The following SLCO1B3 variants were observed in gnomAD, a reference collection of about 807,000 sequenced individuals.
SLCO1B3 encodes solute carrier organic anion transporter family member 1B3, also known as liver-specific organic anion transporter 2.
SLCO1B3 carries 72 observed loss-of-function variants against 71.8 expected under a neutral mutation model. The observed-to-expected ratio is 1.00, with a 90% CI of 0.83 to 1.22. SLCO1B3 has a LOEUF of 1.22. Among genes scored for constraint, SLCO1B3 ranks in the 50% most tolerant of loss-of-function variants. The pLI is 0.00. For missense variants in SLCO1B3, 911 were observed against 819.7 expected (o/e 1.11, Z -1.36); for synonymous variants, 298 against 278.4 (o/e 1.07, Z -0.70).
chr12:20,841,845 A>G (rs1032052395), intron 3 of SLCO1B3, among the ~76,000 whole-genome samples: 1 of 148,950 alleles, frequency 6.7e-6, no homozygotes, highest in Non-Finnish European at 1.5e-5. Context: ...TCCCTCATGT[A>G]CTTGAGAAAA....
rs1220826561 is a variant in SLCO1B3, at chr12:20,826,156, A to C, written c.84+10334A>C. ...GTGATAAATGAAAATTCTTGGTTTC[A>C]TAGAACAATTAAAGCCAAGAGCACA... is the stretch of plus-strand genomic sequence containing the variant. On this transcript the variant is annotated intron_variant, in intron 3 of 15. Transcript: ENST00000381545. Among the ~76,000 whole-genome samples the C allele has an allele frequency of 2.0e-5, 3 of 152,040 alleles. 1 individual carries two copies. The East Asian group carries it at 5.8e-4, about 29-fold the overall frequency.
chr12:20,823,141 C>T (rs192382267), intron 3 of SLCO1B3, among the ~76,000 whole-genome samples: 61 of 152,192 alleles, frequency 4.0e-4, no homozygotes, highest in African/African-American at 1.4e-3. Context: ...CTGATATAGG[C>T]CATATCACTC....
chr12:20,838,372 A>T (rs1387178918), intron 3 of SLCO1B3, among the ~76,000 whole-genome samples: 2 of 152,048 alleles, frequency 1.3e-5, no homozygotes, highest in Admixed American at 6.6e-5. Context: ...CATGCACACA[A>T]CATGTAGTTG....
intron 3 of SLCO1B3, among the ~76,000 whole-genome samples, chr12:20,834,831 T>G (rs1198428567): frequency 6.6e-6 from 1 of 152,100 alleles, no homozygotes; most frequent in African/African-American, 2.4e-5. Flanking sequence ...ATCTGGAGGA[T>G]CGTAGCCCTC....
intron 15 of SLCO1B3, among the ~76,000 whole-genome samples, chr12:20,912,295 TTTTATTTTTATTTA>T (rs1866395329): frequency 6.9e-6 from 1 of 145,784 alleles, no homozygotes; most frequent in African/African-American, 2.5e-5. Flanking sequence ...TCTATTTTAT[TTTTATTTTTATTTA>T]TTTATTTATT....
intron 11 of SLCO1B3, among the ~76,000 whole-genome samples, 160 bp from the exon 12 acceptor site, chr12:20,880,695 A>G (rs781245653): frequency 6.6e-5 from 10 of 152,098 alleles, no homozygotes; most frequent in Non-Finnish European, 1.2e-4. Context: ...AAATTTCTCT[A>G]TCTAATTAAA....
intron 3 of SLCO1B3, among the ~76,000 whole-genome samples, chr12:20,841,879 A>T (rs555266708): frequency 1.8e-5 from 2 of 113,756 alleles, no homozygotes; most frequent in South Asian, 4.4e-4. Context: ...GAATTGTTGG[A>T]TGTAGTTTTT....
At chr12:20,872,750 A>T (rs1865497700) in intron 8 of SLCO1B3, among the ~76,000 whole-genome samples, 1 of 152,098 alleles carries the variant, frequency 6.6e-6, no homozygotes, top group East Asian at 1.9e-4. Flanking sequence ...AGGGCCTCAA[A>T]ACTCTGCCTG....
At position 20,828,064 on chromosome 12, in the gene SLCO1B3, A is replaced by C. The variant is rs555649552; in HGVS notation, c.84+12242A>C. On this transcript the variant is annotated intron_variant, in intron 3 of 15. Coordinates refer to ENST00000381545, the MANE Select transcript of SLCO1B3 (RefSeq NM_019844.4). ...CTACCTTATGATTGTATAGAAGACCAATTTTATTTAGATAGGTAGTTTTAA... is the reference window on the plus strand; with the variant it reads ...CTACCTTATGATTGTATAGAAGACCCATTTTATTTAGATAGGTAGTTTTAA... 9.9e-5 allele frequency among the ~76,000 whole-genome samples: 15 copies of C among 152,268 alleles called. No individual in the cohort carries two copies. In the East Asian group the frequency reaches 2.5e-3, roughly 26 times the overall value.
chr12:20,850,593 T>G (rs1281786054), intron 3 of SLCO1B3, among the ~76,000 whole-genome samples: 1 of 152,196 alleles, frequency 6.6e-6, no homozygotes, highest in Admixed American at 6.5e-5. Context: ...ATGTACAGAT[T>G]ATTTTATCAG....
At chr12:20,906,344 A>C (rs1866246013) in intron 15 of SLCO1B3, among the ~76,000 whole-genome samples, 1 of 152,214 alleles carries the variant, frequency 6.6e-6, no homozygotes, top group Non-Finnish European at 1.5e-5. Context: ...CTCAGTGTGG[A>C]GAAGGCTGGA....
At position 20,882,565 on chromosome 12, in the gene SLCO1B3, G is replaced by A. The variant is rs138551068; in HGVS notation, c.1498-853G>A. 5.4e-3 allele frequency among the ~76,000 whole-genome samples: 803 copies of A among 149,250 alleles called. 7 individuals are homozygous for A. The highest frequency in any genetic ancestry group is 0.015 in the African/African-American group (622 of 41,330). ...ATTACAGGTTCTCACCACCACACCC[G>A]GCTAATTTTTTTTTATCTTTAGTAG... On this transcript the variant is annotated intron_variant, in intron 12 of 15. Coordinates refer to ENST00000381545, the MANE Select transcript of SLCO1B3 (RefSeq NM_019844.4).
At chr12:20,871,286 A>T (rs900005029) in intron 8 of SLCO1B3, among the ~76,000 whole-genome samples, 3 of 152,162 alleles carry the variant, frequency 2.0e-5, no homozygotes, top group Non-Finnish European at 4.4e-5. Flanking sequence ...TTGTTAAATT[A>T]TCTGATAGTT....
chr12:20,897,221 T>C (rs1478264086), intron 13 of SLCO1B3, among the ~76,000 whole-genome samples: 1 of 152,234 alleles, frequency 6.6e-6, no homozygotes, highest in Non-Finnish European at 1.5e-5. Flanking sequence ...ACACTTTCTG[T>C]TTATTGTCTC....
At chr12:20,850,645 C>T (rs969889850) in intron 3 of SLCO1B3, among the ~76,000 whole-genome samples, 1 of 152,138 alleles carries the variant, frequency 6.6e-6, no homozygotes, top group South Asian at 2.1e-4. Context: ...TTTTTCTATT[C>T]GCTGTATTCT....
intron 5 of SLCO1B3, among the ~76,000 whole-genome samples, 167 bp from the exon 6 acceptor site, chr12:20,860,850 C>G (rs1448917124): frequency 6.6e-6 from 1 of 152,116 alleles, no homozygotes; most frequent in Non-Finnish European, 1.5e-5. Flanking sequence ...ATTTCACCCC[C>G]TCTCATCACC....
chr12:20,866,671 T>C (rs536369239), intron 8 of SLCO1B3, among the ~76,000 whole-genome samples: 33 of 152,072 alleles, frequency 2.2e-4, no homozygotes, highest in Non-Finnish European at 3.8e-4. Context: ...AAGAAAGTCA[T>C]TGAGGAGAAA....
chr12:20,832,892 C>T (rs749093211), intron 3 of SLCO1B3, among the ~76,000 whole-genome samples: 2 of 152,226 alleles, frequency 1.3e-5, no homozygotes, highest in Non-Finnish European at 2.9e-5. Context: ...CCAAAACGCA[C>T]CTGTGTAGAA....
intron 15 of SLCO1B3, among the ~76,000 whole-genome samples, chr12:20,905,451 T>C (rs953485083): frequency 6.6e-6 from 1 of 152,242 alleles, no homozygotes; most frequent in Admixed American, 6.5e-5. Flanking sequence ...CATTTAAATG[T>C]AAGTTCCAGT....
Sources: gnomAD v4.1 joint callset for allele counts (sites outside exome capture counted in the v4.1 genomes callset) on GRCh38, gnomAD v4.1.1 for gene constraint, MANE v1.5 for transcripts, NCBI Gene and HGNC (gene_info 2026-07-23, HGNC 2026-07-21) for gene names.